USP7: variants seen among roughly 807,000 people sequenced by gnomAD.
USP7 encodes the protein ubiquitin C-terminal hydrolase 7.
Under a neutral mutation model 162.9 loss-of-function variants are expected in USP7, and 9 were observed. The ratio of observed to expected loss-of-function variants is 0.06; its 90% CI spans 0.03 to 0.10. The LOEUF (loss-of-function observed/expected upper bound fraction) is 0.10, where lower values mean the gene tolerates loss of function less well. Among genes scored for constraint, USP7 ranks in the 10% least tolerant of loss-of-function variants. The pLI is 1.00. For synonymous variants in USP7, 562 were observed against 475.9 expected (o/e 1.18, Z -2.35); for missense variants, 715 against 1,373.7 (o/e 0.52, Z 7.58).
intron 1 of USP7, chr16:8,962,556 G>T (rs1436778299): frequency 4.7e-6 from 2 of 423,418 alleles, no homozygotes; most frequent in East Asian, 7.2e-5. Context: ...CACCTGGCCG[G>T]ATGCTGGCTG....
chr16:8,939,934 C>T (rs1341437256), intron 1 of USP7, among the ~76,000 whole-genome samples: 2 of 152,156 alleles, frequency 1.3e-5, no homozygotes, highest in African/African-American at 4.8e-5. Context: ...CCCGACTCTA[C>T]TAAAAATACA....
In USP7 at chr16:8,930,378, T is replaced by C; in HGVS notation, c.99A>G (p.Pro33=). 6.2e-7 allele frequency: 1 copy of C among 1,611,700 alleles called. No individual in the cohort carries two copies. Among genetic ancestry groups the C allele is most frequent in the Non-Finnish European group, 8.5e-7 (1 of 1,178,876 alleles). The stretch of plus-strand genomic sequence containing the variant: ...TCACAGGGTTCTGAGTAATTCTTGG[T>C]GGGTCATCTGTATCTCCCGCTTTAA... ...MEMEAGDTDD[P]PRITQNPVIN... The change falls in exon 2 of 31, where the codon CCA becomes CCG. Residue 33 remains proline (P), a synonymous_variant. Transcript: ENST00000344836.
intron 1 of USP7, among the ~76,000 whole-genome samples, chr16:8,947,474 G>C (rs982187042): frequency 2.6e-5 from 4 of 151,860 alleles, no homozygotes; most frequent in Non-Finnish European, 4.4e-5. Flanking sequence ...TCAGCCTCCT[G>C]ATTAGCTGGA....
rs144406562 is a variant in USP7 at position 8,960,604 on chromosome 16, G to C, written c.79+2603C>G. On this transcript the variant is annotated intron_variant, in intron 1 of 30. Coordinates refer to ENST00000344836, the MANE Select transcript of USP7 (RefSeq NM_003470.3). ...TCCTCAAGCTGTTCAGACCCTGACA[G>C]TTTCCAGCTGCTAGTTCGTTAGGAA... Among the ~76,000 whole-genome samples the C allele has an allele frequency of 2.6e-3, 390 of 152,308 alleles. 2 individuals carry two copies. Among genetic ancestry groups the C allele is most frequent in the African/African-American group, 8.8e-3 (366 of 41,568 alleles).
At chr16:8,924,078 G>A (rs1897857388) in intron 2 of USP7, among the ~76,000 whole-genome samples, 1 of 152,078 alleles carries the variant, frequency 6.6e-6, no homozygotes. Flanking sequence ...AAGACCAAAG[G>A]CTGATTTAAG....
chr16:8,899,907 C>T (rs2061747106), intron 21 of USP7, 150 bp from the exon 22 acceptor site: 1 of 894,064 alleles, frequency 1.1e-6, no homozygotes, highest in South Asian at 1.5e-5. Flanking sequence ...CAGGCATCTG[C>T]CTGAGCTCCC....
At chr16:8,924,952 T>G (rs1168356866) in intron 2 of USP7, among the ~76,000 whole-genome samples, 1 of 152,224 alleles carries the variant, frequency 6.6e-6, no homozygotes, top group Non-Finnish European at 1.5e-5. Context: ...TTGAGCCTCT[T>G]CAAGTGGTAT....
chr16:8,918,463 T>C (rs2141206683), intron 6 of USP7, among the ~76,000 whole-genome samples: 1 of 152,368 alleles, frequency 6.6e-6, no homozygotes, highest in African/African-American at 2.4e-5. Context: ...ATGGATTATA[T>C]GTTTTTCTAA....
chr16:8,931,016 A>G (rs1352595930), intron 1 of USP7, among the ~76,000 whole-genome samples: 1 of 152,152 alleles, frequency 6.6e-6, no homozygotes, highest in East Asian at 1.9e-4. Context: ...ACTTTACAAT[A>G]GCTAATCAGC....
intron 29 of USP7, 27 bp downstream of exon 29, chr16:8,894,757 A>G: frequency 6.2e-7 from 1 of 1,614,216 alleles, no homozygotes; most frequent in East Asian, 2.2e-5. Flanking sequence ...TGGCCCGCCA[A>G]GCCCCCAGGA....
At chr16:8,963,164 A>G (rs1900089725) in intron 1 of USP7, 43 bp downstream of exon 1, 5 of 1,373,144 alleles carry the variant, frequency 3.6e-6, no homozygotes, top group Non-Finnish European at 4.8e-6. Context: ...GCCACAATGA[A>G]AGGCGCCCCC....
intron 25 of USP7, chr16:8,897,381 C>T (rs974565987): frequency 2.1e-5 from 8 of 379,344 alleles, no homozygotes; most frequent in Admixed American, 1.3e-4. Flanking sequence ...GAAATGGTCC[C>T]GAGGGGTCAC....
intron 28 of USP7, 51 bp downstream of exon 28, chr16:8,894,980 C>A (rs780755061): frequency 1.4e-5 from 23 of 1,613,564 alleles, no homozygotes; most frequent in Non-Finnish European, 1.9e-5. Flanking sequence ...AGCGGCCACT[C>A]AAAGGCTCCA....
chr16:8,935,479 G>A (rs1292664458), intron 1 of USP7, among the ~76,000 whole-genome samples: 2 of 152,306 alleles, frequency 1.3e-5, no homozygotes, highest in East Asian at 3.9e-4. Flanking sequence ...CCAAAGTGCT[G>A]GGATTACAGG....
In USP7 at chr16:8,906,604, G is replaced by C. The variant is rs776115153; in HGVS notation, c.1272-22C>G. 6 of 1,604,652 alleles carry C rather than the reference G, an allele frequency of 3.7e-6. No individual in the cohort carries two copies. The East Asian group carries it at 1.3e-4, about 36-fold the overall frequency. On this transcript the variant is annotated intron_variant, in intron 12 of 30. Transcript: ENST00000344836. Reference sequence around the variant, plus strand: ...AAACCTATTAGAAAACATTTTAAAAGAAATTCAGTATTAATTTACACAAAA... The same window carrying C: ...AAACCTATTAGAAAACATTTTAAAACAAATTCAGTATTAATTTACACAAAA...
intron 28 of USP7, 32 bp downstream of exon 28, chr16:8,894,999 C>T (rs201870500): frequency 5.0e-4 from 800 of 1,613,976 alleles, no homozygotes; most frequent in Middle Eastern, 1.7e-3. Flanking sequence ...CAGGTTTTGA[C>T]GTGAGCCACT....
chr16:8,893,166 C>G lies in USP7; in HGVS notation c.*832G>C, dbSNP rs1051208644. ...TTTTACAAAGTCGACAGCTTACTAA[C>G]CACTAGTGAGCATGCCCTCTTGCTA... On this transcript the variant is annotated 3_prime_UTR_variant, in exon 31 of 31. Coordinates refer to ENST00000344836, the MANE Select transcript of USP7 (RefSeq NM_003470.3). 6.6e-6 allele frequency: 1 copy of G among 152,096 alleles called. No homozygotes were observed. Among genetic ancestry groups the G allele is most frequent in the African/African-American group, 2.4e-5 (1 of 41,402 alleles). The allele number at this position is 152,096 out of a possible 1,614,324, so 9.4% of individuals were successfully genotyped here.
intron 29 of USP7, 68 bp from the exon 30 acceptor site, chr16:8,894,708 A>C: frequency 6.2e-7 from 1 of 1,612,326 alleles, no homozygotes; most frequent in Non-Finnish European, 8.5e-7. Context: ...TCTCTGGCAA[A>C]AAAGCCTAGG....
chr16:8,904,672 G>A (rs534993472), intron 14 of USP7, 107 bp from the exon 15 acceptor site: 439 of 1,495,900 alleles, frequency 2.9e-4, no homozygotes, highest in Middle Eastern at 1.8e-3. Flanking sequence ...GGCCGGCGTG[G>A]TGGCTTACGC....
Sources: allele counts gnomAD v4.1 joint callset (sites outside exome capture counted in the v4.1 genomes callset), GRCh38; gene constraint gnomAD v4.1.1; transcripts MANE v1.5; gene names NCBI Gene and HGNC (gene_info 2026-07-23, HGNC 2026-07-21).